Variants in HELZ observed in about 807,000 individuals in gnomAD.
HELZ encodes the protein ATP-dependent RNA helicase with zinc finger domain.
In HELZ, 23 loss-of-function variants were observed where a neutral mutation model predicts 218.2. The ratio of observed to expected loss-of-function variants is 0.11; its 90% CI spans 0.08 to 0.15. HELZ has a LOEUF of 0.15. HELZ is among the 10% of genes least tolerant of loss of function. HELZ has a pLI of 1.00. For missense variants in HELZ, 1,813 were observed against 2,353.7 expected (o/e 0.77, Z 4.75); for synonymous variants, 814 against 829.4 (o/e 0.98, Z 0.32).
intron 5 of HELZ, among the ~76,000 whole-genome samples, chr17:67,214,698 T>C (rs2040550369): frequency 6.6e-6 from 1 of 152,088 alleles, no homozygotes; most frequent in Non-Finnish European, 1.5e-5. Flanking sequence ...ACCACTGAGC[T>C]CTGCAAACAA....
Position 67,107,608 on chromosome 17 carries a change from T to C in HELZ, c.4802A>G (p.Gln1601Arg), listed in dbSNP as rs1230780172. Residue 1601 changes from glutamine to arginine, a missense_variant, in exon 31 of 33, where the codon CAA (glutamine) becomes CGA (arginine). Around this residue, in one of 4 missense-constraint regions of HELZ, gnomAD observed 938 missense variants for 1,027.5 expected, o/e 0.91. Coordinates refer to ENST00000358691, the MANE Select transcript of HELZ (RefSeq NM_014877.4). ...TTGTCTATATTGCAAAAGTCTTGAT[T>C]GAGGTGGTGGCATTTCAGCTAGTTC... Reference protein sequence around the residue: ...TRELAEMPPPQSRLLQYRQVQ... With the variant: ...TRELAEMPPPRSRLLQYRQVQ... The C allele has an allele frequency of 1.9e-6, 3 of 1,613,956 alleles. No homozygotes were observed. In the South Asian group the frequency reaches 3.3e-5, roughly 18 times the overall value.
chr17:67,090,762 C>CTT (rs2036552215), intron 31 of HELZ, among the ~76,000 whole-genome samples: 1 of 152,092 alleles, frequency 6.6e-6, no homozygotes, highest in Non-Finnish European at 1.5e-5. Flanking sequence ...TTTGTATCCT[C>CTT]TTTTTGTCTT....
intron 31 of HELZ, among the ~76,000 whole-genome samples, chr17:67,100,085 C>G (rs2036877286): frequency 6.6e-6 from 1 of 152,090 alleles, no homozygotes; most frequent in South Asian, 2.1e-4. Flanking sequence ...ACCATCTATT[C>G]CTAAAGTGAG....
chr17:67,224,744 A>C, intron 3 of HELZ: 1 of 1,141,026 alleles, frequency 8.8e-7, no homozygotes, highest in Non-Finnish European at 1.3e-6. Context: ...AACGTTGCTA[A>C]AACCCGCCGG....
At position 67,107,802 on chromosome 17, in the gene HELZ, C is replaced by A. The variant is rs1598233839; in HGVS notation, c.4725-117G>T. On this transcript the variant is annotated intron_variant, in intron 30 of 32. Transcript: ENST00000358691. ...AAAATCATAGTACTAATAACTAGAA[C>A]TGGCATTAATTCATCTCAGATGTAA... 4 of 866,310 alleles carry A rather than the reference C, an allele frequency of 4.6e-6. No homozygotes were observed. The East Asian group carries it at 1.0e-4, about 23-fold the overall frequency. 53.7% of individuals were successfully genotyped at this position (866,310 alleles called of 1,614,324 possible). A position where few individuals can be genotyped will look rare whatever the true frequency, so the allele number is the denominator to read the frequency against.
At chr17:67,166,381 G>T in intron 15 of HELZ, 97 bp downstream of exon 15, 1 of 1,066,778 alleles carries the variant, frequency 9.4e-7, no homozygotes, top group Non-Finnish European at 1.4e-6. Context: ...AAAAGCAAAG[G>T]CAAACTTTCT....
chr17:67,090,835 T>C (rs779074868), intron 31 of HELZ, among the ~76,000 whole-genome samples: 5 of 152,106 alleles, frequency 3.3e-5, no homozygotes, highest in Non-Finnish European at 7.4e-5. Context: ...CTGGGTTTTA[T>C]TGATTTTCCT....
At chr17:67,102,405 A>T (rs2036958171) in intron 31 of HELZ, among the ~76,000 whole-genome samples, 1 of 152,196 alleles carries the variant, frequency 6.6e-6, no homozygotes, top group African/African-American at 2.4e-5. Flanking sequence ...CATGTATTTC[A>T]TTTGTCACAA....
intron 23 of HELZ, among the ~76,000 whole-genome samples, chr17:67,134,342 A>G (rs1008101517): frequency 1.3e-5 from 2 of 151,720 alleles, no homozygotes; most frequent in African/African-American, 4.8e-5. Context: ...CCGAGACTGC[A>G]CCATTGCATT....
chr17:67,159,433 C>T (rs191683828), intron 17 of HELZ, among the ~76,000 whole-genome samples: 3 of 152,026 alleles, frequency 2.0e-5, no homozygotes, highest in Admixed American at 2.0e-4. Flanking sequence ...TTTTTCCATG[C>T]TTGAGCTCAA....
chr17:67,213,265 C>G (rs2040503961), intron 5 of HELZ, among the ~76,000 whole-genome samples: 1 of 152,136 alleles, frequency 6.6e-6, no homozygotes, highest in Non-Finnish European at 1.5e-5. Context: ...TGACAGATTA[C>G]AGAGACTGGG....
At chr17:67,239,791 A>G (rs1400968196) in intron 2 of HELZ, 1 of 152,372 alleles carries the variant, frequency 6.6e-6, no homozygotes, top group African/African-American at 2.4e-5. Flanking sequence ...AGCTAGAGAA[A>G]GAAGAGCACA....
At chr17:67,238,812 CAAG>C (rs1226249334) in intron 3 of HELZ, among the ~76,000 whole-genome samples, 43 of 152,116 alleles carry the variant, frequency 2.8e-4, no homozygotes, top group African/African-American at 1.0e-3. Flanking sequence ...CATAGCTGAC[CAAG>C]AAGATTAATT....
chr17:67,203,423 T>C lies in HELZ; in HGVS notation c.268A>G (p.Lys90Glu). The stretch of plus-strand genomic sequence containing the variant: ...ACTGCCCGAAAGGCATCTTCTCCCT[T>C]GGCCAGTCCTTCTCCCAGCACTGCC... ...CRHVLGEGLA[K>E]GEDAFRAVLC... The change falls in exon 6 of 33, where the codon AAG (lysine) becomes GAG (glutamate). Residue 90 changes from lysine (K) to glutamate (E), a missense_variant. Lys to Glu is a moderately conservative substitution (Grantham distance 56). This residue lies in a region of HELZ where 714 missense variants were observed against 1,029.2 expected (regional missense o/e 0.69). Transcript: ENST00000358691. The C allele has an allele frequency of 6.2e-7, 1 of 1,614,144 alleles. No individual in the cohort carries two copies. The highest frequency in any genetic ancestry group is 8.5e-7 in the Non-Finnish European group (1 of 1,179,976).
intron 31 of HELZ, among the ~76,000 whole-genome samples, chr17:67,097,241 T>C (rs1455954563): frequency 1.3e-5 from 2 of 152,166 alleles, no homozygotes; most frequent in Admixed American, 1.3e-4. Flanking sequence ...TGAAAAAGTT[T>C]AAAATACTGT....
At chr17:67,126,946 A>G (rs963146039) in intron 24 of HELZ, among the ~76,000 whole-genome samples, 1 of 152,194 alleles carries the variant, frequency 6.6e-6, no homozygotes, top group Non-Finnish European at 1.5e-5. Context: ...TTATACCGGG[A>G]GTCTTTTGTA....
chr17:67,166,689 A>C lies in HELZ; in HGVS notation c.1765-81T>G, dbSNP rs2039155934. 2.4e-5 allele frequency: 30 copies of C among 1,242,874 alleles called. No individual in the cohort carries two copies. In the East Asian group the frequency reaches 7.0e-4, roughly 29 times the overall value. 77.0% of individuals were successfully genotyped at this position (1,242,874 alleles called of 1,614,324 possible). A position where few individuals can be genotyped will look rare whatever the true frequency, so the allele number is the denominator to read the frequency against. ...CAGCTCACTAGAATACTTTGGGAGG[A>C]ATCTGTTTGGGACAGTAAGTTTAGA... On this transcript the variant is annotated intron_variant, in intron 14 of 32. Transcript: ENST00000358691.
At chr17:67,229,945 T>A (rs1339369192) in intron 3 of HELZ, among the ~76,000 whole-genome samples, 2 of 152,230 alleles carry the variant, frequency 1.3e-5, no homozygotes, top group African/African-American at 4.8e-5. Flanking sequence ...CTCTTTTGAA[T>A]AATCATTTTC....
At chr17:67,184,624 C>A (rs2039702570) in intron 12 of HELZ, among the ~76,000 whole-genome samples, 1 of 151,934 alleles carries the variant, frequency 6.6e-6, no homozygotes, top group Non-Finnish European at 1.5e-5. Context: ...CACAGAGAGA[C>A]CTTGTCTCTA....
Sources: allele counts gnomAD v4.1 joint callset (sites outside exome capture counted in the v4.1 genomes callset), GRCh38; gene constraint gnomAD v4.1.1; regional missense constraint gnomAD v4.1.1; transcripts MANE v1.5; gene names NCBI Gene and HGNC (gene_info 2026-07-23, HGNC 2026-07-21).